The following BARHL2 variants were observed in gnomAD, a reference collection of about 807,000 sequenced individuals.
BARHL2 encodes BarH like homeobox 2.
BARHL2 carries 10 observed loss-of-function variants against 27.1 expected under a neutral mutation model. The observed-to-expected ratio is 0.37, with a 90% confidence interval of 0.23 to 0.63. BARHL2 has a LOEUF of 0.63. Among genes scored for constraint, BARHL2 ranks in the 20% least tolerant of loss-of-function variants. BARHL2 has a pLI of 0.65. For synonymous variants in BARHL2, 248 were observed against 224.7 expected, an observed-to-expected ratio of 1.10 and a Z score of -0.93; for missense variants, 483 against 533.5, an observed-to-expected ratio of 0.91 and a Z score of 0.93.
In BARHL2 at chr1:90,716,788, C is replaced by T. The variant is rs774665217; in HGVS notation, c.408G>A (p.Arg136=). The change falls in exon 1 of 3, where the codon AGG becomes AGA. Residue 136 remains arginine, a synonymous_variant. Coordinates refer to ENST00000370445, the MANE Select transcript of BARHL2 (RefSeq NM_020063.2). ...TAATTAAAAAAGAAGACGTGGAAGTCCTGGGGGCCGAGGCGGCCGAGCCCA... is the reference window on the plus strand; with the variant it reads ...TAATTAAAAAAGAAGACGTGGAAGTTCTGGGGGCCGAGGCGGCCGAGCCCA... The part of the protein sequence containing the change: ...QQLGSAASAP[R]TSTSSFLIKD... The T allele has an allele frequency of 8.4e-6, 13 of 1,555,618 alleles. No homozygotes were observed. The South Asian group carries it at 1.3e-4, about 16-fold the overall frequency.
At chr1:90,713,628 C>A (rs1016535295) in intron 2 of BARHL2, among the ~76,000 whole-genome samples, 1 of 152,096 alleles carries the variant, frequency 6.6e-6, no homozygotes, top group Non-Finnish European at 1.5e-5. Context: ...CATTTCCAAC[C>A]GCACTTATGG....
rs566108335 is a variant in BARHL2 at position 90,716,264 on chromosome 1, A to C, written c.625+307T>G. ...AAACCCCAAGTCCATCCCTTTTATC[A>C]ACGAAAAGTATTTCCTGTCGGATGC... is the stretch of plus-strand genomic sequence containing the variant. On this transcript the variant is annotated intron_variant, in intron 1 of 2. Coordinates refer to ENST00000370445, the MANE Select transcript of BARHL2 (RefSeq NM_020063.2). Among the ~76,000 whole-genome samples the C allele has an allele frequency of 4.5e-4, 69 of 152,214 alleles. 2 individuals are homozygous for C. Among genetic ancestry groups the C allele is most frequent in the African/African-American group, 1.6e-3 (67 of 41,530 alleles).
In BARHL2 at chr1:90,716,676, C is replaced by T; in HGVS notation, c.520G>A (p.Glu174Lys). 1 of 1,613,346 alleles carries T rather than the reference C, an allele frequency of 6.2e-7. No homozygotes were observed. The highest frequency in any genetic ancestry group is 8.5e-7 in the Non-Finnish European group (1 of 1,179,698). Reference protein sequence around the residue: ...VSSPHHTPKQESNAVHESFRP... With the variant: ...VSSPHHTPKQKSNAVHESFRP... ...AAGCTCTCGTGCACTGCGTTGCTCT[C>T]CTGCTTCGGGGTGTGGTGGGGAGAG... Residue 174 changes from glutamate to lysine, a missense_variant, in exon 1 of 3, where the codon GAG becomes AAG. Physicochemically the swap from Glu to Lys is moderately conservative, Grantham distance 56 (BLOSUM62 1). Transcript: ENST00000370445.
Position 90,716,894 on chromosome 1 carries a change from G to T in BARHL2, c.302C>A (p.Pro101Gln), listed in dbSNP as rs375986324. Residue 101 changes from proline to glutamine, a missense_variant, in exon 1 of 3, where the codon CCG becomes CAG. Coordinates refer to ENST00000370445, the MANE Select transcript of BARHL2 (RefSeq NM_020063.2). ...GGGCAAAGGCTGCAAACTTTGCGTCGGGGCCGCGGCCGGCGGCGGCGGCTG... is the reference window on the plus strand; with the variant it reads ...GGGCAAAGGCTGCAAACTTTGCGTCTGGGCCGCGGCCGGCGGCGGCGGCTG... ...SQQPPPPAAA[P>Q]TQSLQPLPQQ... 1.3e-6 allele frequency: 2 copies of T among 1,597,708 alleles called. No homozygotes were observed. The highest frequency in any genetic ancestry group is 2.7e-5 in the African/African-American group (2 of 73,728).
intron 1 of BARHL2, among the ~76,000 whole-genome samples, chr1:90,715,520 G>A (rs896561245): frequency 2.0e-5 from 3 of 152,088 alleles, no homozygotes; most frequent in African/African-American, 7.2e-5. Context: ...CCTGCAGGAA[G>A]AACAATAATC....
At chr1:90,714,784 A>G (rs747499246) in intron 1 of BARHL2, 28 bp from the exon 2 acceptor site, 1 of 1,609,532 alleles carries the variant, frequency 6.2e-7, no homozygotes, top group Non-Finnish European at 8.5e-7. Flanking sequence ...CCACGGTGGT[A>G]AGTTAGCCTG....
intron 1 of BARHL2, among the ~76,000 whole-genome samples, chr1:90,715,543 C>G (rs1477650098): frequency 2.0e-5 from 3 of 152,080 alleles, no homozygotes; most frequent in African/African-American, 2.4e-5. Flanking sequence ...TCTAATTGAC[C>G]CACTGGGGAG....
At chr1:90,715,755 A>G (rs186541655) in intron 1 of BARHL2, among the ~76,000 whole-genome samples, 25 of 152,362 alleles carry the variant, frequency 1.6e-4, no homozygotes, top group Non-Finnish European at 2.9e-4. Context: ...AACTTTTGCC[A>G]TGCAAAGACT....
In BARHL2 at chr1:90,716,116, T is replaced by TGGG. The variant is rs367905218; in HGVS notation, c.625+452_625+454dup. On this transcript the variant is annotated intron_variant, in intron 1 of 2. Transcript: ENST00000370445. ...CTGTGATGATGTTAAGAAAATAAAG[T>TGGG]GGGGGGGGGGTGAAATCACTTGTAC... Among the ~76,000 whole-genome samples the TGGG allele has an allele frequency of 8.5e-3, 1,040 of 121,704 alleles. 20 individuals are homozygous for TGGG. The highest frequency in any genetic ancestry group is 0.054 in the East Asian group (197 of 3,642). 79.8% of individuals were successfully genotyped at this position (121,704 alleles called of 152,430 possible).
At chr1:90,713,322 A>G (rs1030547193) in intron 2 of BARHL2, among the ~76,000 whole-genome samples, 1 of 152,118 alleles carries the variant, frequency 6.6e-6, no homozygotes, top group Non-Finnish European at 1.5e-5. Context: ...ATTTCAAGGT[A>G]TTTCCTCCTC....
chr1:90,715,319 C>G (rs555165501), intron 1 of BARHL2, among the ~76,000 whole-genome samples: 1 of 152,140 alleles, frequency 6.6e-6, no homozygotes, highest in South Asian at 2.1e-4. Flanking sequence ...TGCATCAGGT[C>G]TTTTAAAGCT....
rs746416288 is a variant in BARHL2, at chr1:90,716,605, C to G, written c.591G>C (p.Lys197Asn). Residue 197 changes from lysine (K) to asparagine (N), a missense_variant, in exon 1 of 3, where the codon AAG (lysine) becomes AAC (asparagine). Transcript: ENST00000370445. ...EQEDSKTKLDKREDSQSDIKC... is the reference protein window; with the variant it reads ...EQEDSKTKLDNREDSQSDIKC... ...TGATGTCGCTCTGGGAATCCTCCCG[C>G]TTGTCGAGTTTGGTCTTGCTGTCCT... 6.2e-7 allele frequency: 1 copy of G among 1,614,076 alleles called. No homozygotes were observed. The highest frequency in any genetic ancestry group is 1.3e-5 in the African/African-American group (1 of 74,938).
In BARHL2 at chr1:90,712,417, C is replaced by T. The variant is rs753220053; in HGVS notation, c.1059G>A (p.Gln353=). The change falls in exon 3 of 3, where the codon CAG becomes CAA. Residue 353 remains glutamine (Q), a synonymous_variant. Coordinates refer to ENST00000370445, the MANE Select transcript of BARHL2 (RefSeq NM_020063.2). The part of the protein sequence containing the change: ...RTPPAPHPQL[Q]RPLVPRVLIH... ...TGAGCACACGGGGCACCAGGGGCCG[C>T]TGCAGCTGGGGATGGGGTGCTGGAG... 6.8e-6 allele frequency: 11 copies of T among 1,607,630 alleles called. No individual in the cohort carries two copies. In the South Asian group the frequency reaches 1.1e-4, roughly 16 times the overall value.
chr1:90,712,564 G>A lies in BARHL2; in HGVS notation c.912C>T (p.Tyr304=), dbSNP rs774851934. The change falls in exon 3 of 3, where the codon TAC becomes TAT. Residue 304 remains tyrosine, a synonymous_variant. Coordinates refer to ENST00000370445, the MANE Select transcript of BARHL2 (RefSeq NM_020063.2). ...GLELLAEAGN[Y]SALQRMFPSP... ...ATGGAAACATCCTCTGCAGCGCCGA[G>A]TAGTTCCCTGCCTCGGCCAGCAACT... The A allele has an allele frequency of 6.2e-7, 1 of 1,613,698 alleles. No individual in the cohort carries two copies.
chr1:90,716,895 G>A lies in BARHL2; in HGVS notation c.301C>T (p.Pro101Ser), dbSNP rs766681566. 6.3e-7 allele frequency: 1 copy of A among 1,599,592 alleles called. No individual in the cohort carries two copies. Among genetic ancestry groups the A allele is most frequent in the Non-Finnish European group, 8.5e-7 (1 of 1,174,070 alleles). The change falls in exon 1 of 3, where the codon CCG becomes TCG. Residue 101 changes from proline to serine, a missense_variant. Transcript: ENST00000370445. ...GGCAAAGGCTGCAAACTTTGCGTCG[G>A]GGCCGCGGCCGGCGGCGGCGGCTGC... The part of the protein sequence containing the change: ...SQQPPPPAAA[P>S]TQSLQPLPQQ...
rs769401597 is a variant in BARHL2 at position 90,714,722 on chromosome 1, A to C, written c.660T>G (p.Ser220Arg). The change falls in exon 2 of 3, where the codon AGT becomes AGG. Residue 220 changes from serine to arginine, a missense_variant. Around this residue, in one of 3 missense-constraint regions of BARHL2, gnomAD observed 49 missense variants for 110.6 expected, o/e 0.44. Transcript: ENST00000370445. ...CTCTCACAGGGGGACTCTCACGGCTACTCGTAATCTCCCGGTCTCCTTCCT... is the reference window on the plus strand; with the variant it reads ...CTCTCACAGGGGGACTCTCACGGCTCCTCGTAATCTCCCGGTCTCCTTCCT... The part of the protein sequence containing the change: ...TKEEGDREIT[S>R]SRESPPVRAK... 4.3e-6 allele frequency: 7 copies of C among 1,613,950 alleles called. No individual in the cohort carries two copies. The African/African-American group carries it at 8.0e-5, about 18-fold the overall frequency.
At chr1:90,713,301 G>C (rs900473539) in intron 2 of BARHL2, among the ~76,000 whole-genome samples, 2 of 152,196 alleles carry the variant, frequency 1.3e-5, no homozygotes, top group Non-Finnish European at 2.9e-5. Context: ...TTCTGAGGTG[G>C]GGGTGAATGC....
In BARHL2 at chr1:90,716,836, C is replaced by T; in HGVS notation, c.360G>A (p.Pro120=). The T allele has an allele frequency of 6.4e-7, 1 of 1,554,410 alleles. No homozygotes were observed. The highest frequency in any genetic ancestry group is 8.7e-7 in the Non-Finnish European group (1 of 1,149,142). Residue 120 remains proline (P), a synonymous_variant, in exon 1 of 3, where the codon CCG becomes CCA. Transcript: ENST00000370445. ...QQQQPLPPQQ[P]PPPPPQQLGS... is the part of the protein sequence containing the mutation. ...CCAGCTGCTGGGGGGGCGGCGGCGG[C>T]GGCTGCTGTGGCGGCAGCGGCTGCT...
Position 90,712,307 on chromosome 1 carries a change from T to A in BARHL2, c.*5A>T, listed in dbSNP as rs190029175. On this transcript the variant is annotated 3_prime_UTR_variant, in exon 3 of 3. Transcript: ENST00000370445. ...AGGGATTGCAGTGCCTTCGCTGCAA[T>A]GTTTTCACCGGGGGTGTGGGGTGCC... 1.7e-3 allele frequency: 2,405 copies of A among 1,451,202 alleles called. 42 individuals are homozygous for A. The African/African-American group carries it at 0.029, about 18-fold the overall frequency. 89.9% of individuals were successfully genotyped at this position (1,451,202 alleles called of 1,614,324 possible).
Sources: allele counts gnomAD v4.1 joint callset (sites outside exome capture counted in the v4.1 genomes callset), GRCh38; gene constraint gnomAD v4.1.1; regional missense constraint gnomAD v4.1.1; transcripts MANE v1.5; gene names NCBI Gene and HGNC (gene_info 2026-07-23, HGNC 2026-07-21).